LRRC7: variants seen among roughly 807,000 people sequenced by gnomAD.
LRRC7 encodes the protein leucine rich repeat containing 7, also known as leucine-rich repeat-containing protein 7.
Under a neutral mutation model 175.7 loss-of-function variants are expected in LRRC7, and 23 were observed. The observed-to-expected ratio is 0.13, with a 90% CI of 0.09 to 0.19. LRRC7 has a LOEUF of 0.19. LRRC7 is among the 10% of genes least tolerant of loss of function. LRRC7 has a pLI of 1.00. For synonymous variants in LRRC7, 685 were observed against 680.9 expected, an observed-to-expected ratio of 1.01 and a Z score of -0.09; for missense variants, 1,354 against 1,904.7, an observed-to-expected ratio of 0.71 and a Z score of 5.38.
In LRRC7 at chr1:70,021,121, A is replaced by G. The variant is rs1420998179; in HGVS notation, c.1537A>G (p.Lys513Glu). 6.2e-7 allele frequency: 1 copy of G among 1,611,232 alleles called. No homozygotes were observed. The change falls in exon 16 of 27, where the codon AAA (lysine) becomes GAA (glutamate). Residue 513 changes from lysine (K) to glutamate (E), a missense_variant. Transcript: ENST00000651989. ...DKKEDDENAG[K>E]VKDLSCQAPW... is the part of the protein sequence containing the mutation. ...AAAAGAAGATGACGAAAATGCTGGG[A>G]AAGTTAAGGTGAACCTTTTAGCTTT...
At chr1:69,891,766 C>A (rs539680453) in intron 7 of LRRC7, among the ~76,000 whole-genome samples, 2 of 151,958 alleles carry the variant, frequency 1.3e-5, no homozygotes, top group Admixed American at 1.3e-4. Flanking sequence ...TATAAATAAA[C>A]ATAATAGATA....
chr1:70,120,954 A>G (rs1666173973), intron 26 of LRRC7, among the ~76,000 whole-genome samples: 1 of 152,074 alleles, frequency 6.6e-6, no homozygotes, highest in African/African-American at 2.4e-5. Flanking sequence ...ATTCCAATCA[A>G]GACAATCTGC....
At chr1:70,016,580 T>G in intron 14 of LRRC7, 46 bp downstream of exon 14, 1 of 1,406,954 alleles carries the variant, frequency 7.1e-7, no homozygotes, top group South Asian at 1.4e-5. Flanking sequence ...TGAACTATAA[T>G]TGAAAGTTTG....
At chr1:69,824,071 T>C (rs1570157085) in intron 4 of LRRC7, among the ~76,000 whole-genome samples, 1 of 152,180 alleles carries the variant, frequency 6.6e-6, no homozygotes, top group Non-Finnish European at 1.5e-5. Flanking sequence ...CAGTAGAAGA[T>C]AAAGAGACGT....
chr1:69,979,288 G>T (rs1653167855), intron 8 of LRRC7, among the ~76,000 whole-genome samples: 1 of 152,314 alleles, frequency 6.6e-6, no homozygotes, highest in Middle Eastern at 3.4e-3. Context: ...GAAGCACAAG[G>T]CCTAAGAATA....
chr1:69,912,256 G>T (rs1646554674), intron 7 of LRRC7, among the ~76,000 whole-genome samples: 2 of 152,150 alleles, frequency 1.3e-5, no homozygotes, highest in Admixed American at 1.3e-4. Context: ...CTGACACATT[G>T]TGTGTCCTTG....
At chr1:69,934,747 A>G (rs1647810284) in intron 8 of LRRC7, among the ~76,000 whole-genome samples, 1 of 152,116 alleles carries the variant, frequency 6.6e-6, no homozygotes, top group Non-Finnish European at 1.5e-5. Context: ...ATGGAACACT[A>G]TTAGGCTGAT....
At position 70,123,916 on chromosome 1, in the gene LRRC7, G is replaced by A. The variant is rs192477419; in HGVS notation, c.*2029G>A. 1.1e-3 allele frequency among the ~76,000 whole-genome samples: 169 copies of A among 152,196 alleles called. 1 individual carries two copies. Among genetic ancestry groups the A allele is most frequent in the African/African-American group, 4.0e-3 (167 of 41,534 alleles). ...CATCAGTTTTTCTTAATCTTTTATG[G>A]GAGAAGTGGGAGAAGAGCCAGATAT... On this transcript the variant is annotated 3_prime_UTR_variant, in exon 27 of 27. Transcript: ENST00000651989.
intron 2 of LRRC7, among the ~76,000 whole-genome samples, chr1:69,753,409 C>A (rs1189598371): frequency 6.6e-6 from 1 of 151,530 alleles, no homozygotes; most frequent in East Asian, 1.9e-4. Flanking sequence ...GCAGAGTCGG[C>A]TAACAGGAAA....
rs1666522577 is a variant in LRRC7, at chr1:70,128,122, G to A, written c.*6235G>A. ...GATTACAGGTGCGTGCCACCACACTGGGCTAATTTTTGTATTTTTAGTAGG... is the reference window on the plus strand; with the variant it reads ...GATTACAGGTGCGTGCCACCACACTAGGCTAATTTTTGTATTTTTAGTAGG... On this transcript the variant is annotated 3_prime_UTR_variant, in exon 27 of 27. Transcript: ENST00000651989. 1.3e-5 allele frequency among the ~76,000 whole-genome samples: 2 copies of A among 151,912 alleles called. No individual in the cohort carries two copies. The highest frequency in any genetic ancestry group is 4.8e-5 in the African/African-American group (2 of 41,352).
rs114561533 is a variant in LRRC7 at position 69,943,070 on chromosome 1, A to G, written c.711+11500A>G. Among the ~76,000 whole-genome samples, 709 of 152,282 alleles carry G rather than the reference A, an allele frequency of 4.7e-3. 5 individuals carry two copies. Among genetic ancestry groups the G allele is most frequent in the Non-Finnish European group, 5.8e-3 (392 of 68,014 alleles). On this transcript the variant is annotated intron_variant, in intron 8 of 26. Transcript: ENST00000651989. ...TTTTTCTTCCAATGTGGCCCAGGGA[A>G]GCCAGAAGATTGGACAGCCCTAGTC... is the stretch of plus-strand genomic sequence containing the variant.
intron 1 of LRRC7, among the ~76,000 whole-genome samples, chr1:69,597,888 A>G (rs1316585740): frequency 6.6e-6 from 1 of 152,218 alleles, no homozygotes; most frequent in Non-Finnish European, 1.5e-5. Flanking sequence ...CTTTCCAAGT[A>G]TTTGTGATCT....
chr1:70,034,671 T>C (rs1247071001), intron 18 of LRRC7, among the ~76,000 whole-genome samples: 11 of 152,212 alleles, frequency 7.2e-5, no homozygotes, highest in Admixed American at 7.2e-4. Context: ...AGGAGAATCC[T>C]GCTGCAGTGC....
chr1:70,089,747 G>C lies in LRRC7; in HGVS notation c.4473G>C (p.Lys1491Asn). ...CATAGTTTTGTGTGAGAATAGAAAA[G>C]AATCCTGGCCTTGGATTTAGTATCA... ...YPEQFCVRIE[K>N]NPGLGFSISG... Residue 1491 changes from lysine to asparagine, a missense_variant, in exon 25 of 27, where the codon AAG becomes AAC. Physicochemically the swap from Lys to Asn is moderately conservative, Grantham distance 94. Coordinates refer to ENST00000651989, the MANE Select transcript of LRRC7 (RefSeq NM_001370785.2). The C allele has an allele frequency of 6.2e-7, 1 of 1,608,830 alleles. No homozygotes were observed. The highest frequency in any genetic ancestry group is 8.5e-7 in the Non-Finnish European group (1 of 1,176,686).
intron 2 of LRRC7, among the ~76,000 whole-genome samples, chr1:69,714,821 G>A (rs1012748957): frequency 6.6e-6 from 1 of 152,082 alleles, no homozygotes; most frequent in African/African-American, 2.4e-5. Context: ...ACCAGGAGGA[G>A]CATTTTTATC....
At chr1:70,006,255 T>C (rs1655982371) in intron 11 of LRRC7, among the ~76,000 whole-genome samples, 1 of 152,112 alleles carries the variant, frequency 6.6e-6, no homozygotes, top group Non-Finnish European at 1.5e-5. Flanking sequence ...TTATTGCCCA[T>C]GGTGCAGTCA....
Position 69,836,277 on chromosome 1 carries a change from G to A in LRRC7, c.590+1408G>A, listed in dbSNP as rs78214909. Among the ~76,000 whole-genome samples the A allele has an allele frequency of 1.3e-3, 204 of 152,060 alleles. 1 individual carries two copies. Among genetic ancestry groups the A allele is most frequent in the African/African-American group, 4.4e-3 (183 of 41,518 alleles). On this transcript the variant is annotated intron_variant, in intron 6 of 26. Coordinates refer to ENST00000651989, the MANE Select transcript of LRRC7 (RefSeq NM_001370785.2). The stretch of plus-strand genomic sequence containing the variant: ...CTACACTTATGAACAGCATATACTT[G>A]AGCAGTTTTAAAATTCACAGAGCAT...
At chr1:70,017,126 A>G (rs1470508063) in intron 14 of LRRC7, among the ~76,000 whole-genome samples, 2 of 151,898 alleles carry the variant, frequency 1.3e-5, no homozygotes, top group African/African-American at 4.8e-5. Flanking sequence ...AAAAATACCA[A>G]ATTAGCCCAG....
intron 2 of LRRC7, among the ~76,000 whole-genome samples, chr1:69,713,350 A>G (rs1664997616): frequency 6.6e-6 from 1 of 151,978 alleles, no homozygotes; most frequent in African/African-American, 2.4e-5. Context: ...ATATATTTAG[A>G]CAGGTGTGGT....
Sources: allele counts gnomAD v4.1 joint callset (sites outside exome capture counted in the v4.1 genomes callset), GRCh38; gene constraint gnomAD v4.1.1; transcripts MANE v1.5; gene names NCBI Gene and HGNC (gene_info 2026-07-23, HGNC 2026-07-21).